Variants in UTRN observed in about 807,000 individuals in gnomAD.
UTRN encodes the protein utrophin.
Under a neutral mutation model 463.9 loss-of-function variants are expected in UTRN, and 283 were observed. The ratio of observed to expected loss-of-function variants is 0.61; its 90% CI spans 0.55 to 0.67. The LOEUF (loss-of-function observed/expected upper bound fraction) is 0.67, where lower values mean the gene tolerates loss of function less well. Ranked by LOEUF, UTRN falls within the 30% of genes least tolerant of loss-of-function variation. UTRN has a pLI of 0.00. For synonymous variants in UTRN, 1,442 were observed against 1,431.5 expected, an observed-to-expected ratio of 1.01 and a Z score of -0.17; for missense variants, 3,922 against 4,084.3, an observed-to-expected ratio of 0.96 and a Z score of 1.08.
chr6:144,610,518 C>T (rs901784640), intron 51 of UTRN, among the ~76,000 whole-genome samples: 1 of 152,152 alleles, frequency 6.6e-6, no homozygotes, highest in Admixed American at 6.6e-5. Context: ...CAATTCTAAG[C>T]TTTTCTAGAA....
chr6:144,716,165 T>G (rs1786422863), intron 53 of UTRN, among the ~76,000 whole-genome samples: 1 of 152,124 alleles, frequency 6.6e-6, no homozygotes, highest in Non-Finnish European at 1.5e-5. Flanking sequence ...AACTCAAGAA[T>G]GGGAAAGATT....
chr6:144,492,233 G>A (rs546472943), intron 32 of UTRN, among the ~76,000 whole-genome samples: 1 of 152,146 alleles, frequency 6.6e-6, no homozygotes, highest in African/African-American at 2.4e-5. Flanking sequence ...GTGCATGTGT[G>A]CCCATTGTTT....
At chr6:144,381,782 T>G (rs1017880949) in intron 2 of UTRN, among the ~76,000 whole-genome samples, 1 of 152,252 alleles carries the variant, frequency 6.6e-6, no homozygotes, top group Non-Finnish European at 1.5e-5. Context: ...CACATGGAAC[T>G]GTAAGTCCAT....
intron 2 of UTRN, 30 bp downstream of exon 2, chr6:144,291,937 GATT>G (rs756562146): frequency 3.1e-5 from 50 of 1,588,778 alleles, no homozygotes; most frequent in Non-Finnish European, 3.8e-5. Flanking sequence ...GAAAGCTATG[GATT>G]TTTATGTATT....
At chr6:144,322,851 G>T (rs909841076) in intron 2 of UTRN, among the ~76,000 whole-genome samples, 5 of 151,896 alleles carry the variant, frequency 3.3e-5, no homozygotes, top group African/African-American at 9.7e-5. Context: ...GCTGAGGCAG[G>T]AGAATGGCGT....
intron 64 of UTRN, among the ~76,000 whole-genome samples, chr6:144,799,687 T>C (rs1377219268): frequency 2.6e-5 from 4 of 152,226 alleles, no homozygotes; most frequent in African/African-American, 9.6e-5. Flanking sequence ...AGAGGTGTTA[T>C]ATTTGTTATT....
chr6:144,344,854 A>G (rs1777433076), intron 2 of UTRN, among the ~76,000 whole-genome samples: 1 of 152,268 alleles, frequency 6.6e-6, no homozygotes, highest in Admixed American at 6.5e-5. Flanking sequence ...TCTATGAGAC[A>G]TGCATATGCA....
intron 51 of UTRN, among the ~76,000 whole-genome samples, chr6:144,644,154 A>T (rs1157089079): frequency 1.3e-5 from 2 of 152,208 alleles, no homozygotes; most frequent in African/African-American, 4.8e-5. Context: ...CCTATGTAGA[A>T]ACCTTATGCA....
intron 51 of UTRN, among the ~76,000 whole-genome samples, chr6:144,615,864 A>G (rs1441646418): frequency 6.6e-6 from 1 of 152,148 alleles, no homozygotes; most frequent in Non-Finnish European, 1.5e-5. Context: ...GGCTCCCATT[A>G]CACTTATAAT....
chr6:144,515,599 A>T (rs1795546894), intron 37 of UTRN, among the ~76,000 whole-genome samples: 1 of 152,220 alleles, frequency 6.6e-6, no homozygotes, highest in Admixed American at 6.5e-5. Flanking sequence ...TAGACATTTA[A>T]TTAACAGGGT....
intron 66 of UTRN, among the ~76,000 whole-genome samples, chr6:144,824,596 ATATATATATATATATATCTTTTTT>A (rs1779953200): frequency 1.9e-5 from 1 of 53,736 alleles, no homozygotes; most frequent in African/African-American, 1.0e-4. Flanking sequence ...ATATATATAT[ATATATATATATATATATCTTTTTT>A]TTTTTTTTTT....
chr6:144,628,445 T>G (rs890638514), intron 51 of UTRN, among the ~76,000 whole-genome samples: 1 of 152,174 alleles, frequency 6.6e-6, no homozygotes. Flanking sequence ...GCTTAAAACT[T>G]CCACCAGAAA....
intron 2 of UTRN, among the ~76,000 whole-genome samples, chr6:144,318,170 C>T: frequency 6.6e-6 from 1 of 152,170 alleles, no homozygotes; most frequent in East Asian, 1.9e-4. Context: ...CTGTAACTCC[C>T]AATTCTTCAA....
intron 51 of UTRN, among the ~76,000 whole-genome samples, chr6:144,605,094 T>C (rs1554816): frequency 0.28 from 42,312 of 151,942 alleles, 6,986 homozygotes; most frequent in African/African-American, 0.46. Flanking sequence ...AAAGTTATTC[T>C]AATTACTAAT....
intron 51 of UTRN, among the ~76,000 whole-genome samples, chr6:144,600,845 C>T (rs778501078): frequency 7.9e-5 from 12 of 152,262 alleles, no homozygotes; most frequent in Middle Eastern, 3.4e-3. Flanking sequence ...TGCTTAACTT[C>T]GAAGCTTCAA....
At chr6:144,633,135 G>A (rs1776711982) in intron 51 of UTRN, among the ~76,000 whole-genome samples, 1 of 152,012 alleles carries the variant, frequency 6.6e-6, no homozygotes. Context: ...AAAATAAATT[G>A]GACATATATA....
intron 73 of UTRN, among the ~76,000 whole-genome samples, chr6:144,846,144 C>T (rs1341095362): frequency 6.6e-6 from 1 of 152,198 alleles, no homozygotes; most frequent in Non-Finnish European, 1.5e-5. Flanking sequence ...CCTTGCAAAG[C>T]CCGCCAGATC....
Position 144,774,358 on chromosome 6 carries a change from C to T in UTRN, c.8626C>T (p.Leu2876=). ...AIKIRRLQKA[L]CLDLLELSTT... is the part of the protein sequence containing the mutation. ...CAAAATCCGAAGACTACAAAAAGCA[C>T]TATGTTGTGAGTTATTCTACCAAAG... Residue 2876 remains leucine (L), a synonymous_variant, in exon 60 of 75, where the codon CTA becomes TTA. Coordinates refer to ENST00000367545, the MANE Select transcript of UTRN (RefSeq NM_007124.3). 2 of 1,593,098 alleles carry T rather than the reference C, an allele frequency of 1.3e-6. No homozygotes were observed. Among genetic ancestry groups the T allele is most frequent in the Non-Finnish European group, 1.7e-6 (2 of 1,174,390 alleles).
intron 2 of UTRN, among the ~76,000 whole-genome samples, chr6:144,357,007 G>T (rs1001017129): frequency 1.3e-5 from 2 of 152,042 alleles, no homozygotes; most frequent in African/African-American, 4.8e-5. Context: ...CTCAGAATTT[G>T]TTGGAGACCC....
Sources: gnomAD v4.1 joint callset for allele counts (sites outside exome capture counted in the v4.1 genomes callset) on GRCh38, gnomAD v4.1.1 for gene constraint, MANE v1.5 for transcripts, NCBI Gene and HGNC (gene_info 2026-07-23, HGNC 2026-07-21) for gene names.